Variants in ANKIB1 observed in about 807,000 individuals in gnomAD.
ANKIB1 encodes ankyrin repeat and IBR domain-containing protein 1.
In ANKIB1, 43 loss-of-function variants were observed where a neutral mutation model predicts 122.1. That is an observed-to-expected ratio of 0.35 (90% confidence interval 0.28 to 0.45). The LOEUF (loss-of-function observed/expected upper bound fraction) is 0.45. Ranked by LOEUF, ANKIB1 falls within the 20% of genes least tolerant of loss-of-function variation. The probability of loss-of-function intolerance (pLI) is 1.00; values close to 1 mark genes in which losing one functional copy is unlikely to be tolerated. For missense variants in ANKIB1, 992 were observed against 1,329.5 expected, an observed-to-expected ratio of 0.75 and a Z score of 3.95; for synonymous variants, 390 against 442.0, an observed-to-expected ratio of 0.88 and a Z score of 1.48.
intron 8 of ANKIB1, among the ~76,000 whole-genome samples, 185 bp downstream of exon 8, chr7:92,351,279 GTAA>G (rs568101472): frequency 9.3e-4 from 141 of 152,186 alleles, no homozygotes; most frequent in African/African-American, 3.2e-3. Context: ...GCATTATTTT[GTAA>G]TAATAAGAGG....
At chr7:92,325,632 CT>C (rs397956901) in intron 4 of ANKIB1, among the ~76,000 whole-genome samples, 83 of 144,768 alleles carry the variant, frequency 5.7e-4, no homozygotes, top group South Asian at 1.7e-3. Context: ...AGTGCCTATT[CT>C]TTTTTTTTTT....
At chr7:92,299,717 A>G (rs1802423520) in intron 2 of ANKIB1, among the ~76,000 whole-genome samples, 1 of 152,180 alleles carries the variant, frequency 6.6e-6, no homozygotes, top group Admixed American at 6.5e-5. Context: ...AAATGTAGTT[A>G]TTTTTATTTA....
chr7:92,380,276 G>T (rs892555815), intron 11 of ANKIB1, among the ~76,000 whole-genome samples: 1 of 152,182 alleles, frequency 6.6e-6, no homozygotes, highest in African/African-American at 2.4e-5. Flanking sequence ...AGGCCCCCCT[G>T]CTTCTGTAGA....
intron 1 of ANKIB1, among the ~76,000 whole-genome samples, chr7:92,256,589 AC>A (rs1368730680): frequency 2.0e-5 from 3 of 152,218 alleles, no homozygotes; most frequent in Non-Finnish European, 2.9e-5. Flanking sequence ...TACTAATGTT[AC>A]GGCTTCTATC....
intron 1 of ANKIB1, among the ~76,000 whole-genome samples, chr7:92,280,128 G>T (rs1379749819): frequency 1.3e-5 from 2 of 152,170 alleles, no homozygotes; most frequent in African/African-American, 4.8e-5. Flanking sequence ...AGGGAGTTTT[G>T]TCCCATTAAC....
chr7:92,380,646 A>G (rs975490866), intron 11 of ANKIB1, among the ~76,000 whole-genome samples: 5 of 152,226 alleles, frequency 3.3e-5, no homozygotes, highest in South Asian at 2.1e-4. Flanking sequence ...GCAAACTCCA[A>G]CAGACCTGCA....
At chr7:92,367,232 G>A (rs954842169) in intron 10 of ANKIB1, among the ~76,000 whole-genome samples, 4 of 152,172 alleles carry the variant, frequency 2.6e-5, no homozygotes, top group African/African-American at 4.8e-5. Flanking sequence ...AGCCAAGGCT[G>A]CAGAGAAAGT....
intron 3 of ANKIB1, among the ~76,000 whole-genome samples, chr7:92,311,207 C>T (rs534465101): frequency 7.5e-4 from 114 of 152,100 alleles, no homozygotes; most frequent in African/African-American, 2.7e-3. Flanking sequence ...GTGAAAGTGT[C>T]GTCAGATATT....
At chr7:92,386,106 GCGTAGTTCTA>G (rs1232055174) in intron 11 of ANKIB1, among the ~76,000 whole-genome samples, 2 of 152,156 alleles carry the variant, frequency 1.3e-5, no homozygotes, top group East Asian at 3.9e-4. Context: ...GGTCTTTTAA[GCGTAGTTCTA>G]GTTTCAAAAC....
chr7:92,303,624 A>G lies in ANKIB1; in HGVS notation c.189-3735A>G, dbSNP rs138014108. ...CGGGGTAGGAAGTAGAGCCATCATC[A>G]TGGGTAAAAGAGAAGTTGTTGTACT... On this transcript the variant is annotated intron_variant, in intron 2 of 19. Transcript: ENST00000265742. 2.7e-3 allele frequency among the ~76,000 whole-genome samples: 405 copies of G among 152,320 alleles called. 5 individuals are homozygous for G. Among genetic ancestry groups the G allele is most frequent in the African/African-American group, 9.3e-3 (387 of 41,574 alleles).
At chr7:92,287,933 G>A (rs1802167164) in intron 1 of ANKIB1, among the ~76,000 whole-genome samples, 1 of 151,822 alleles carries the variant, frequency 6.6e-6, no homozygotes, top group South Asian at 2.1e-4. Context: ...CTACTTGGGA[G>A]GCTGAGGCAG....
chr7:92,300,125 G>A (rs917266283), intron 2 of ANKIB1, among the ~76,000 whole-genome samples: 5 of 152,092 alleles, frequency 3.3e-5, no homozygotes, highest in Non-Finnish European at 5.9e-5. Context: ...TTTTAAAATC[G>A]TATAAGGGTC....
chr7:92,264,351 A>G (rs1229199558), intron 1 of ANKIB1, among the ~76,000 whole-genome samples: 1 of 152,080 alleles, frequency 6.6e-6, no homozygotes, highest in Non-Finnish European at 1.5e-5. Flanking sequence ...TTCAGAGAAG[A>G]AGGAGAATAT....
At chr7:92,265,970 ACTC>A (rs1263835315) in intron 1 of ANKIB1, among the ~76,000 whole-genome samples, 2 of 152,164 alleles carry the variant, frequency 1.3e-5, no homozygotes, top group Non-Finnish European at 1.5e-5. Context: ...TAGTAGTTAA[ACTC>A]CTAAAACAGA....
At chr7:92,321,896 C>T (rs1488397308) in intron 4 of ANKIB1, among the ~76,000 whole-genome samples, 1 of 152,192 alleles carries the variant, frequency 6.6e-6, no homozygotes, top group South Asian at 2.1e-4. Flanking sequence ...ATGCCCTAAG[C>T]GTTTTGCTGG....
chr7:92,325,640 TTTTTC>T (rs1298957630), intron 4 of ANKIB1, among the ~76,000 whole-genome samples: 1 of 152,120 alleles, frequency 6.6e-6, no homozygotes, highest in African/African-American at 2.4e-5. Flanking sequence ...TTCTTTTTTT[TTTTTC>T]TTTTAACAAT....
intron 11 of ANKIB1, among the ~76,000 whole-genome samples, chr7:92,373,715 T>C (rs932792332): frequency 3.9e-5 from 6 of 152,224 alleles, no homozygotes; most frequent in African/African-American, 1.4e-4. Context: ...ACTGACATAA[T>C]TGGTAAATCG....
chr7:92,369,128 C>T (rs912998995), intron 10 of ANKIB1, among the ~76,000 whole-genome samples: 25 of 152,224 alleles, frequency 1.6e-4, no homozygotes, highest in African/African-American at 5.8e-4. Context: ...TATAGCAATA[C>T]CCTTTGTAAG....
intron 4 of ANKIB1, among the ~76,000 whole-genome samples, chr7:92,322,065 A>G (rs911897117): frequency 6.6e-5 from 10 of 152,146 alleles, no homozygotes; most frequent in Non-Finnish European, 1.3e-4. Flanking sequence ...GGTCCAAACA[A>G]CTTCCGTTTG....
Sources: gnomAD v4.1 joint callset for allele counts (sites outside exome capture counted in the v4.1 genomes callset) on GRCh38, gnomAD v4.1.1 for gene constraint, MANE v1.5 for transcripts, NCBI Gene and HGNC (gene_info 2026-07-23, HGNC 2026-07-21) for gene names.